The following ANK3 variants were observed in gnomAD, a reference collection of about 807,000 sequenced individuals.
The protein encoded by ANK3 is ankyrin-3.
A neutral mutation model predicts 370.9 loss-of-function variants in ANK3; 57 were observed. That is an observed-to-expected ratio of 0.15 (90% CI 0.12 to 0.19). ANK3 has a LOEUF of 0.19. Ranked by LOEUF, ANK3 falls within the 10% of genes least tolerant of loss-of-function variation. The probability of loss-of-function intolerance (pLI) is 1.00; values close to 1 mark genes in which losing one functional copy is unlikely to be tolerated. For missense variants in ANK3, 4,439 were observed against 5,302.1 expected (o/e 0.84, Z 5.06); for synonymous variants, 1,929 against 1,946.3 (o/e 0.99, Z 0.23).
rs545318663 is a variant in ANK3 at position 60,305,884 on chromosome 10, A to G, written c.115-26245T>C. On this transcript the variant is annotated intron_variant, in intron 1 of 43. Coordinates refer to ENST00000280772, the MANE Select transcript of ANK3 (RefSeq NM_020987.5). Reference sequence around the variant, plus strand: ...CCTGAGCTGGGACTCTGGTGGATGGACTGAAAGTGCCGCTTTCACAGTCGG... The same window carrying G: ...CCTGAGCTGGGACTCTGGTGGATGGGCTGAAAGTGCCGCTTTCACAGTCGG... Among the ~76,000 whole-genome samples the G allele has an allele frequency of 4.8e-4, 73 of 152,324 alleles. 3 individuals are homozygous for G. The South Asian group carries it at 0.011, about 23-fold the overall frequency.
chr10:60,172,480 G>T, intron 20 of ANK3, 77 bp from the exon 21 acceptor site: 1 of 1,172,184 alleles, frequency 8.5e-7, no homozygotes, highest in Non-Finnish European at 1.3e-6. Flanking sequence ...AATGTAAGGT[G>T]AGTGTCTCAT....
At chr10:60,427,878 A>G (rs893953006) in intron 2 of ANK3, among the ~76,000 whole-genome samples, 1 of 152,140 alleles carries the variant, frequency 6.6e-6, no homozygotes, top group Admixed American at 6.6e-5. Context: ...TGAACAGATG[A>G]GATTACTCAA....
intron 8 of ANK3, among the ~76,000 whole-genome samples, chr10:60,231,996 A>T (rs1468957862): frequency 3.3e-5 from 5 of 152,202 alleles, no homozygotes; most frequent in Non-Finnish European, 1.5e-5. Context: ...GTTGCACACC[A>T]AACTTTGCCT....
At chr10:60,281,304 T>C (rs1299535886) in intron 1 of ANK3, among the ~76,000 whole-genome samples, 1 of 152,218 alleles carries the variant, frequency 6.6e-6, no homozygotes, top group Non-Finnish European at 1.5e-5. Context: ...TAGGGGACTG[T>C]CCTGCTCATT....
In ANK3 at chr10:60,149,622, C is replaced by A. The variant is rs540009802; in HGVS notation, c.2615-10535G>T. ...CTCGCTGTGACCTTCCCTACCTACACTAGAACTCTTATCTTCTGTCTATAT... is the reference window on the plus strand; with the variant it reads ...CTCGCTGTGACCTTCCCTACCTACAATAGAACTCTTATCTTCTGTCTATAT... On this transcript the variant is annotated intron_variant, in intron 23 of 43. Coordinates refer to ENST00000280772, the MANE Select transcript of ANK3 (RefSeq NM_020987.5). Among the ~76,000 whole-genome samples, 5 of 152,344 alleles carry A rather than the reference C, an allele frequency of 3.3e-5. No individual in the cohort carries two copies. The East Asian group carries it at 9.7e-4, about 29-fold the overall frequency.
At chr10:60,568,416 ATATACT>A (rs2077513309) in intron 2 of ANK3, among the ~76,000 whole-genome samples, 1 of 152,224 alleles carries the variant, frequency 6.6e-6, no homozygotes, top group South Asian at 2.1e-4. Flanking sequence ...TACTTAATAG[ATATACT>A]TAACAGACTA....
At chr10:60,049,456 G>A (rs934478299) in intron 42 of ANK3, among the ~76,000 whole-genome samples, 7 of 151,988 alleles carry the variant, frequency 4.6e-5, no homozygotes, top group Admixed American at 2.0e-4. Context: ...GTGTGGTGTC[G>A]CACGCCTGTA....
intron 1 of ANK3, among the ~76,000 whole-genome samples, chr10:60,362,404 G>T (rs72824140): frequency 6.6e-6 from 1 of 152,072 alleles, no homozygotes; most frequent in African/African-American, 2.4e-5. Flanking sequence ...TCAGAAAACC[G>T]CACTGATTGT....
intron 43 of ANK3, among the ~76,000 whole-genome samples, chr10:60,037,278 C>G (rs1011870361): frequency 4.6e-5 from 7 of 152,096 alleles, no homozygotes; most frequent in Admixed American, 3.3e-4. Context: ...GAAAAAAGAC[C>G]AAGTTAGGTC....
chr10:60,377,992 A>T (rs1436600040), intron 1 of ANK3, among the ~76,000 whole-genome samples: 1 of 152,168 alleles, frequency 6.6e-6, no homozygotes, highest in Non-Finnish European at 1.5e-5. Flanking sequence ...CAAAGTCTAA[A>T]AGCATCTGTT....
Position 60,064,137 on chromosome 10 carries a change from A to G in ANK3, c.12451+20T>C. 6.5e-7 allele frequency: 1 copy of G among 1,544,008 alleles called. No homozygotes were observed. The highest frequency in any genetic ancestry group is 8.7e-7 in the Non-Finnish European group (1 of 1,155,430). ...CATTTATGCAGTTTTGAAAGTTAAA[A>G]TAATATAATTTCGGCATACTTGTGG... On this transcript the variant is annotated intron_variant, in intron 39 of 43. Transcript: ENST00000280772.
intron 1 of ANK3, among the ~76,000 whole-genome samples, chr10:60,700,301 T>A (rs1328611257): frequency 6.6e-6 from 1 of 152,202 alleles, no homozygotes; most frequent in Admixed American, 6.5e-5. Context: ...GTAAGTTTTA[T>A]GAGATGTCTT....
intron 1 of ANK3, among the ~76,000 whole-genome samples, chr10:60,714,972 A>T (rs942662491): frequency 2.0e-5 from 3 of 152,188 alleles, no homozygotes; most frequent in Non-Finnish European, 2.9e-5. Flanking sequence ...ACACTGATGT[A>T]AACTATGAAT....
At chr10:60,092,922 G>T (rs1445072240) in intron 28 of ANK3, among the ~76,000 whole-genome samples, 1 of 152,208 alleles carries the variant, frequency 6.6e-6, no homozygotes, top group Non-Finnish European at 1.5e-5. Flanking sequence ...TTTTAGTAGA[G>T]ATGGGGTTTC....
chr10:60,234,784 A>G lies in ANK3; in HGVS notation c.801T>C (p.Asn267=). Residue 267 remains asparagine, a splice_region_variant and synonymous_variant, in exon 8 of 44, where the codon AAT becomes AAC. Coordinates refer to ENST00000280772, the MANE Select transcript of ANK3 (RefSeq NM_020987.5). ...RAAAVDFTAR[N]DITPLHVASK... ...ATGCAACATGTAAAGGAGTGATGTC[A>G]TTCTGGGAAGAAGAGGAAAAAGTAC... is the stretch of plus-strand genomic sequence containing the variant. 3 of 1,603,092 alleles carry G rather than the reference A, an allele frequency of 1.9e-6. No homozygotes were observed. The highest frequency in any genetic ancestry group is 2.6e-6 in the Non-Finnish European group (3 of 1,170,338).
intron 25 of ANK3, among the ~76,000 whole-genome samples, chr10:60,124,844 C>T (rs964344156): frequency 1.3e-5 from 2 of 152,208 alleles, no homozygotes; most frequent in Non-Finnish European, 2.9e-5. Flanking sequence ...ACACTCCTCA[C>T]AGCCCTAGTC....
chr10:60,388,776 T>C (rs1375135462), intron 1 of ANK3, among the ~76,000 whole-genome samples: 1 of 152,164 alleles, frequency 6.6e-6, no homozygotes, highest in African/African-American at 2.4e-5. Flanking sequence ...ATAATCACTT[T>C]CACCCAGCAG....
intron 2 of ANK3, among the ~76,000 whole-genome samples, chr10:60,458,701 C>T (rs2064811743): frequency 6.6e-6 from 1 of 152,064 alleles, no homozygotes; most frequent in Admixed American, 6.6e-5. Flanking sequence ...AAAATATCTA[C>T]CACATAGCAA....
intron 43 of ANK3, among the ~76,000 whole-genome samples, chr10:60,040,478 TG>T (rs1467298845): frequency 1.3e-5 from 2 of 152,218 alleles, no homozygotes; most frequent in Admixed American, 1.3e-4. Flanking sequence ...GTCAAGTCAC[TG>T]TTCTTTCAAT....
Sources: allele counts gnomAD v4.1 joint callset (sites outside exome capture counted in the v4.1 genomes callset), GRCh38; gene constraint gnomAD v4.1.1; transcripts MANE v1.5; gene names NCBI Gene and HGNC (gene_info 2026-07-23, HGNC 2026-07-21).